SYN2: variants seen among roughly 807,000 people sequenced by gnomAD.
SYN2 encodes synapsin II.
Under a neutral mutation model 50.9 loss-of-function variants are expected in SYN2, and 19 were observed. That is an observed-to-expected ratio of 0.37 (90% CI 0.26 to 0.55). SYN2 has a LOEUF of 0.55. Among genes scored for constraint, SYN2 ranks in the 20% least tolerant of loss-of-function variants. The pLI is 0.81. For synonymous variants in SYN2, 255 were observed against 224.9 expected (o/e 1.13, Z -1.20); for missense variants, 587 against 576.4 (o/e 1.02, Z -0.19).
intron 1 of SYN2, among the ~76,000 whole-genome samples, chr3:12,075,500 G>GCCTT (rs1695449575): frequency 2.0e-5 from 3 of 152,074 alleles, no homozygotes; most frequent in Admixed American, 1.3e-4. Flanking sequence ...TATAATAAAA[G>GCCTT]GATGCCTTGC....
intron 1 of SYN2, among the ~76,000 whole-genome samples, chr3:12,080,088 A>C (rs958558004): frequency 1.8e-4 from 27 of 152,044 alleles, no homozygotes. Flanking sequence ...GTTTATTTGC[A>C]TAGAGGTGTT....
At chr3:12,146,653 A>G (rs1309147891) in intron 4 of SYN2, among the ~76,000 whole-genome samples, 3 of 152,218 alleles carry the variant, frequency 2.0e-5, no homozygotes, top group Non-Finnish European at 2.9e-5. Context: ...TGAGGCTCCT[A>G]TATAAGGAGG....
intron 10 of SYN2, among the ~76,000 whole-genome samples, chr3:12,174,760 A>G (rs6781687): frequency 0.14 from 20,602 of 152,170 alleles, 2,252 homozygotes; most frequent in African/African-American, 0.31. Context: ...GATTACAGGC[A>G]TGAGCCACCG....
At chr3:12,153,604 C>A in intron 5 of SYN2, 1 of 1,614,190 alleles carries the variant, frequency 6.2e-7, no homozygotes, top group Non-Finnish European at 8.5e-7. Context: ...TTCATACAGA[C>A]ATAATGCTGA....
chr3:12,061,167 T>G (rs995840464), intron 1 of SYN2, among the ~76,000 whole-genome samples: 6 of 152,150 alleles, frequency 3.9e-5, no homozygotes, highest in Non-Finnish European at 8.8e-5. Flanking sequence ...TCAGTGAAAC[T>G]TCTCAGAAAG....
intron 1 of SYN2, among the ~76,000 whole-genome samples, chr3:12,114,909 A>G (rs1696398319): frequency 6.6e-6 from 1 of 151,596 alleles, no homozygotes; most frequent in Admixed American, 6.6e-5. Context: ...ATTAACCACA[A>G]CTCCTCTGTT....
At position 12,070,106 on chromosome 3, in the gene SYN2, C is replaced by T. The variant is rs547620801; in HGVS notation, c.377+65178C>T. 263 of 281,594 alleles carry T rather than the reference C, an allele frequency of 9.3e-4. 4 individuals carry two copies. Among genetic ancestry groups the T allele is most frequent in the Admixed American group, 1.9e-3 (45 of 23,392 alleles). The allele number at this position is 281,594 out of a possible 1,614,324, so 17.4% of individuals were successfully genotyped here. The stretch of plus-strand genomic sequence containing the variant: ...TAAGCCACTATGCCTGTCTGGTACT[C>T]CAGTTTTGATATGCATTTTCCTGAT... On this transcript the variant is annotated intron_variant, in intron 1 of 12. Coordinates refer to ENST00000621198, the MANE Select transcript of SYN2 (RefSeq NM_133625.6).
intron 1 of SYN2, among the ~76,000 whole-genome samples, chr3:12,082,617 G>A (rs947707855): frequency 2.0e-5 from 3 of 152,212 alleles, no homozygotes; most frequent in African/African-American, 7.2e-5. Flanking sequence ...TTTACTAAAA[G>A]GCATTTACAA....
At chr3:12,169,225 C>T (rs1325834332) in intron 9 of SYN2, among the ~76,000 whole-genome samples, 3 of 152,236 alleles carry the variant, frequency 2.0e-5, no homozygotes. Flanking sequence ...AGGAGGAAAA[C>T]ATTGATCTGA....
intron 1 of SYN2, among the ~76,000 whole-genome samples, chr3:12,062,221 AC>A (rs1226583957): frequency 6.6e-6 from 1 of 152,058 alleles, no homozygotes; most frequent in East Asian, 1.9e-4. Context: ...ATAGACTCAC[AC>A]AGATAATAAT....
chr3:12,021,499 T>C (rs568334399), intron 1 of SYN2, among the ~76,000 whole-genome samples: 4 of 152,344 alleles, frequency 2.6e-5, no homozygotes, highest in African/African-American at 7.2e-5. Context: ...TGAAATGTCA[T>C]GCTACTTTGG....
At chr3:12,070,361 G>A (rs1695321975) in intron 1 of SYN2, 1 of 514,954 alleles carries the variant, frequency 1.9e-6, no homozygotes, top group East Asian at 4.8e-5. Context: ...ACGATGGTGG[G>A]CATGGGTCAG....
intron 1 of SYN2, 53 bp downstream of exon 1, chr3:12,004,981 G>C (rs1693764768): frequency 2.2e-6 from 1 of 456,420 alleles, no homozygotes; most frequent in Non-Finnish European, 3.8e-6. Flanking sequence ...GGCAGCCGCA[G>C]GCCAGGAGAG....
intron 1 of SYN2, among the ~76,000 whole-genome samples, chr3:12,044,497 CT>C (rs1694695091): frequency 6.6e-6 from 1 of 152,056 alleles, no homozygotes; most frequent in Admixed American, 6.5e-5. Flanking sequence ...AGCAACCATT[CT>C]TTTAGAGGAA....
chr3:12,143,223 G>A (rs1697067569), intron 3 of SYN2, among the ~76,000 whole-genome samples: 1 of 152,122 alleles, frequency 6.6e-6, no homozygotes, highest in East Asian at 1.9e-4. Flanking sequence ...TACAGCTGGT[G>A]CCAGCTTCCC....
Position 12,133,093 on chromosome 3 carries a change from A to G in SYN2, c.378-7558A>G, listed in dbSNP as rs527852530. Among the ~76,000 whole-genome samples, 29 of 152,280 alleles carry G rather than the reference A, an allele frequency of 1.9e-4. No homozygotes were observed. In the East Asian group the frequency reaches 5.2e-3, roughly 27 times the overall value. On this transcript the variant is annotated intron_variant, in intron 1 of 12. Coordinates refer to ENST00000621198, the MANE Select transcript of SYN2 (RefSeq NM_133625.6). ...CTGAATGCCATCTGTAACCTTGGCA[A>G]TTTCCCCATGCACTCTCTTCCACAT...
At chr3:12,028,840 G>A (rs1364037052) in intron 1 of SYN2, among the ~76,000 whole-genome samples, 1 of 140,808 alleles carries the variant, frequency 7.1e-6, no homozygotes, top group African/African-American at 2.8e-5. Context: ...TGTTCACTCT[G>A]ATGGTAGTTT....
In SYN2 at chr3:12,151,270, G is replaced by A; in HGVS notation, c.718G>A (p.Gly240Arg). 6.2e-7 allele frequency: 1 copy of A among 1,613,338 alleles called. No homozygotes were observed. Among genetic ancestry groups the A allele is most frequent in the Non-Finnish European group, 8.5e-7 (1 of 1,179,744 alleles). ...AQLVAIYKTL[G>R]GEKFPLIEQT... Reference sequence around the variant, plus strand: ...GCTGGTCGCTATCTATAAGACACTGGGAGGAGAAAAGTTCCCTCTCATTGA... The same window carrying A: ...GCTGGTCGCTATCTATAAGACACTGAGAGGAGAAAAGTTCCCTCTCATTGA... The change falls in exon 5 of 13, where the codon GGA becomes AGA. Residue 240 changes from glycine to arginine, a missense_variant. Coordinates refer to ENST00000621198, the MANE Select transcript of SYN2 (RefSeq NM_133625.6).
At chr3:12,094,870 G>A (rs1482183757) in intron 1 of SYN2, among the ~76,000 whole-genome samples, 2 of 152,160 alleles carry the variant, frequency 1.3e-5, no homozygotes, top group Non-Finnish European at 2.9e-5. Flanking sequence ...AAGAAAAACA[G>A]GTATGGAAGG....
Sources: allele counts gnomAD v4.1 joint callset (sites outside exome capture counted in the v4.1 genomes callset), GRCh38; gene constraint gnomAD v4.1.1; transcripts MANE v1.5; gene names NCBI Gene and HGNC (gene_info 2026-07-23, HGNC 2026-07-21).